The following XRN2 variants were observed in gnomAD, a reference collection of about 807,000 sequenced individuals.
The protein encoded by XRN2 is DHM1-like protein.
Under a neutral mutation model 138.5 loss-of-function variants are expected in XRN2, and 44 were observed. The ratio of observed to expected loss-of-function variants is 0.32; its 90% CI spans 0.25 to 0.41. The LOEUF is 0.41. Ranked by LOEUF, XRN2 falls within the 10% of genes least tolerant of loss-of-function variation. XRN2 has a pLI of 1.00. For missense variants in XRN2, 937 were observed against 1,169.3 expected (o/e 0.80, Z 2.90); for synonymous variants, 354 against 369.4 (o/e 0.96, Z 0.48).
intron 9 of XRN2, among the ~76,000 whole-genome samples, chr20:21,333,056 C>T (rs902291820): frequency 2.6e-5 from 4 of 151,844 alleles, no homozygotes; most frequent in East Asian, 3.9e-4. Context: ...TCAAAGACAT[C>T]GTTAAGTGAA....
At chr20:21,367,764 T>C (rs1384161226) in intron 26 of XRN2, among the ~76,000 whole-genome samples, 3 of 152,196 alleles carry the variant, frequency 2.0e-5, no homozygotes, top group Non-Finnish European at 4.4e-5. Context: ...GTAAAAGAAA[T>C]GCAGATTTAA....
chr20:21,311,628 A>T (rs2037882288), intron 1 of XRN2, among the ~76,000 whole-genome samples: 1 of 152,176 alleles, frequency 6.6e-6, no homozygotes, highest in Admixed American at 6.5e-5. Flanking sequence ...TAGCATTTTG[A>T]GGAACCACCA....
intron 27 of XRN2, among the ~76,000 whole-genome samples, 179 bp from the exon 28 acceptor site, chr20:21,381,815 G>T (rs569886739): frequency 1.8e-4 from 27 of 152,084 alleles, no homozygotes; most frequent in African/African-American, 6.5e-4. Context: ...TAAAAAATTT[G>T]CTGACCTTGT....
In XRN2 at chr20:21,377,264, C is replaced by CTTTT. The variant is rs761622310; in HGVS notation, c.2585-4719_2585-4716dup. 2.9e-3 allele frequency among the ~76,000 whole-genome samples: 241 copies of CTTTT among 82,808 alleles called. 34 individuals carry two copies. The highest frequency in any genetic ancestry group is 0.011 in the African/African-American group (200 of 18,690). 54.3% of individuals were successfully genotyped at this position (82,808 alleles called of 152,430 possible). A position where few individuals can be genotyped will look rare whatever the true frequency, so the allele number is the denominator to read the frequency against. On this transcript the variant is annotated intron_variant, in intron 27 of 29. Transcript: ENST00000377191. ...CCAACATATGATTTGTCGGTTTTTT[C>CTTTT]TTTTTTTTTTTTTTGGTCAGTCTTG...
chr20:21,332,498 T>G, intron 9 of XRN2, 58 bp downstream of exon 9: 1 of 1,467,030 alleles, frequency 6.8e-7, no homozygotes, highest in Non-Finnish European at 9.2e-7. Context: ...TGTGGTAAAA[T>G]GTATATGACA....
rs1436094390 is a variant in XRN2, at chr20:21,340,799, G to A, written c.1357G>A (p.Val453Ile). The A allele has an allele frequency of 3.1e-6, 5 of 1,613,842 alleles. No individual in the cohort carries two copies. The Admixed American group carries it at 6.7e-5, about 22-fold the overall frequency. Residue 453 changes from valine to isoleucine, a missense_variant, in exon 15 of 30, where the codon GTA (valine) becomes ATA (isoleucine). By Grantham distance (29) the Val-to-Ile change is conservative. This residue lies in a region of XRN2 where 471 missense variants were observed against 581.2 expected (regional missense o/e 0.81). Transcript: ENST00000377191. ...LGSRNSPGSQ[V>I]ASNPRQAAYE... is the part of the protein sequence containing the mutation. Reference sequence around the variant, plus strand: ...TTCAAGAAATTCACCAGGTTCTCAAGTAGCCAGTAATCCGAGACAAGCAGC... The same window carrying A: ...TTCAAGAAATTCACCAGGTTCTCAAATAGCCAGTAATCCGAGACAAGCAGC...
rs200606124 is a variant in XRN2, at chr20:21,305,211, ATCTT to A, written c.75+1743_75+1746del. ...ATTTTATTATTATTATTGCTATCATATCTTTCTTCAGTGGGAGGTACTGTTTTCT... is the reference window on the plus strand; with the variant it reads ...ATTTTATTATTATTATTGCTATCATATCTTCAGTGGGAGGTACTGTTTTCT... On this transcript the variant is annotated intron_variant, in intron 1 of 29. Coordinates refer to ENST00000377191, the MANE Select transcript of XRN2 (RefSeq NM_012255.5). Among the ~76,000 whole-genome samples, 326 of 152,244 alleles carry A rather than the reference ATCTT, an allele frequency of 2.1e-3. 2 individuals are homozygous for A. Among genetic ancestry groups the A allele is most frequent in the African/African-American group, 7.5e-3 (313 of 41,536 alleles).
At chr20:21,355,942 A>G (rs1215729305) in intron 21 of XRN2, 138 bp from the exon 22 acceptor site, 2 of 515,660 alleles carry the variant, frequency 3.9e-6, no homozygotes, top group African/African-American at 3.9e-5. Context: ...CTAACCTATC[A>G]CTTTAAAATT....
chr20:21,327,659 G>A (rs561721110), intron 3 of XRN2, among the ~76,000 whole-genome samples: 1 of 152,206 alleles, frequency 6.6e-6, no homozygotes, highest in East Asian at 1.9e-4. Flanking sequence ...GCTACATCAA[G>A]TATAAAATAT....
intron 27 of XRN2, among the ~76,000 whole-genome samples, chr20:21,369,632 C>T (rs2038740405): frequency 6.6e-6 from 1 of 152,150 alleles, no homozygotes; most frequent in African/African-American, 2.4e-5. Context: ...TGATGTTGAG[C>T]AACTTTTTAT....
chr20:21,348,849 T>C (rs2038471293), intron 19 of XRN2, among the ~76,000 whole-genome samples: 1 of 152,152 alleles, frequency 6.6e-6, no homozygotes, highest in East Asian at 1.9e-4. Context: ...TTCACCTTGT[T>C]AGCCAGGATG....
chr20:21,323,004 G>T (rs929952456), intron 1 of XRN2, among the ~76,000 whole-genome samples: 1 of 152,196 alleles, frequency 6.6e-6, no homozygotes, highest in African/African-American at 2.4e-5. Flanking sequence ...CAAGTTGCCT[G>T]GTTCACATGG....
intron 27 of XRN2, among the ~76,000 whole-genome samples, chr20:21,378,390 G>A (rs2038848556): frequency 6.6e-6 from 1 of 152,144 alleles, no homozygotes. Flanking sequence ...CATCTCAACC[G>A]ACAGCATAAA....
intron 19 of XRN2, 94 bp from the exon 20 acceptor site, chr20:21,349,295 C>T: frequency 1.1e-6 from 1 of 872,320 alleles, no homozygotes; most frequent in East Asian, 2.5e-5. Flanking sequence ...ATTTTCTCAT[C>T]AGACCTTATA....
chr20:21,321,491 C>A (rs2038044755), intron 1 of XRN2, among the ~76,000 whole-genome samples: 1 of 151,944 alleles, frequency 6.6e-6, no homozygotes, highest in South Asian at 2.1e-4. Context: ...CTGTACCTTC[C>A]TGATTCTTGA....
chr20:21,333,841 T>G lies in XRN2; in HGVS notation c.1067+4T>G, dbSNP rs371631665. ...ATTTGCCATCGTTAGAGATTAGGTATGTGCATTTGTGTAGCTTTTCAAACG... is the reference window on the plus strand; with the variant it reads ...ATTTGCCATCGTTAGAGATTAGGTAGGTGCATTTGTGTAGCTTTTCAAACG... On this transcript the variant is annotated splice_donor_region_variant and intron_variant, in intron 11 of 29. Coordinates refer to ENST00000377191, the MANE Select transcript of XRN2 (RefSeq NM_012255.5). 1.2e-6 allele frequency: 2 copies of G among 1,614,156 alleles called. No individual in the cohort carries two copies. The highest frequency in any genetic ancestry group is 1.7e-6 in the Non-Finnish European group (2 of 1,180,008).
At position 21,337,008 on chromosome 20, in the gene XRN2, A is replaced by AG. The variant is rs1313362043; in HGVS notation, c.1234-2034dup. ...AAAGGAGCCAGTGTGGAAGGAGCAG[A>AG]GGAGGCAAAGGAAGAGCAGTAGGAG... On this transcript the variant is annotated intron_variant, in intron 13 of 29. Coordinates refer to ENST00000377191, the MANE Select transcript of XRN2 (RefSeq NM_012255.5). 2.6e-5 allele frequency among the ~76,000 whole-genome samples: 4 copies of AG among 152,346 alleles called. No individual in the cohort carries two copies. The East Asian group carries it at 5.8e-4, about 22-fold the overall frequency.
At chr20:21,328,778 A>G in intron 4 of XRN2, 108 bp downstream of exon 4, 1 of 912,024 alleles carries the variant, frequency 1.1e-6, no homozygotes, top group Non-Finnish European at 1.7e-6. Context: ...TTTAATAAGG[A>G]TCCCAGAATA....
intron 20 of XRN2, among the ~76,000 whole-genome samples, chr20:21,351,450 G>C (rs2038509321): frequency 6.6e-6 from 1 of 152,112 alleles, no homozygotes; most frequent in South Asian, 2.1e-4. Flanking sequence ...GGTTGATTTT[G>C]TTGTTGCATT....
Sources: gnomAD v4.1 joint callset for allele counts (sites outside exome capture counted in the v4.1 genomes callset) on GRCh38, gnomAD v4.1.1 for gene constraint, gnomAD v4.1.1 regional missense constraint, MANE v1.5 for transcripts, NCBI Gene and HGNC (gene_info 2026-07-23, HGNC 2026-07-21) for gene names.